Variants in PTPRN2 observed in about 807,000 individuals in gnomAD.
The protein encoded by PTPRN2 is receptor-type tyrosine-protein phosphatase N2.
PTPRN2 carries 74 observed loss-of-function variants against 118.8 expected under a neutral mutation model. The observed-to-expected ratio is 0.62, with a 90% CI of 0.52 to 0.76. The LOEUF (loss-of-function observed/expected upper bound fraction) is 0.76. PTPRN2 is among the 30% of genes least tolerant of loss of function. The probability of loss-of-function intolerance (pLI) is 0.00; values close to 1 mark genes in which losing one functional copy is unlikely to be tolerated. For synonymous variants in PTPRN2, 641 were observed against 608.0 expected (o/e 1.05, Z -0.80); for missense variants, 1,481 against 1,394.4 (o/e 1.06, Z -0.99).
chr7:157,576,631 G>A lies in PTPRN2; in HGVS notation c.2765C>T (p.Ser922Phe). ...GTCATACCTGCGGAAGTCCAGGAGG[G>A]ACCTTGAGGAGGAAGGGACTCCTCG... The part of the protein sequence containing the change: ...YDRGVPSSSR[S>F]LLDFRRKVNK... The change falls in exon 19 of 23, where the codon TCC becomes TTC. Residue 922 changes from serine (S) to phenylalanine (F), a missense_variant. Ser to Phe is a radical substitution (Grantham distance 155). Coordinates refer to ENST00000389418, the MANE Select transcript of PTPRN2 (RefSeq NM_002847.5). 1 of 1,612,350 alleles carries A rather than the reference G, an allele frequency of 6.2e-7. No homozygotes were observed. Among genetic ancestry groups the A allele is most frequent in the South Asian group, 1.1e-5 (1 of 90,614 alleles).
chr7:158,115,965 G>A (rs567445705), intron 9 of PTPRN2, among the ~76,000 whole-genome samples: 9 of 152,240 alleles, frequency 5.9e-5, no homozygotes, highest in Admixed American at 2.0e-4. Context: ...AGCCTGGTTC[G>A]CTCAGGTGAG....
At chr7:158,383,051 T>A (rs1051213329) in intron 2 of PTPRN2, among the ~76,000 whole-genome samples, 1 of 152,108 alleles carries the variant, frequency 6.6e-6, no homozygotes, top group Non-Finnish European at 1.5e-5. Context: ...GCACACTCCG[T>A]CAGTATCCCA....
At chr7:158,270,885 T>TTG in intron 3 of PTPRN2, among the ~76,000 whole-genome samples, 1 of 7,998 alleles carries the variant, frequency 1.3e-4, no homozygotes, top group African/African-American at 9.8e-4. Flanking sequence ...TCCACCTGGA[T>TTG]GACCCCCTCC....
intron 3 of PTPRN2, among the ~76,000 whole-genome samples, chr7:158,298,401 G>T (rs911968997): frequency 6.6e-6 from 1 of 152,202 alleles, no homozygotes; most frequent in African/African-American, 2.4e-5. Flanking sequence ...TTTCAGATAT[G>T]TTTGGATTTA....
intron 12 of PTPRN2, among the ~76,000 whole-genome samples, chr7:157,823,963 T>C (rs1005839207): frequency 6.6e-6 from 1 of 152,242 alleles, no homozygotes; most frequent in African/African-American, 2.4e-5. Context: ...ATTAGAAGTG[T>C]TTTTTCCTTT....
rs75493314 is a variant in PTPRN2, at chr7:158,118,894, G to A, written c.1557-7979C>T. ...ACTTTTCTATTTTTTGTAGAGATGG[G>A]GTTTTGCCATGTTGCCCAGGCTGGT... On this transcript the variant is annotated intron_variant, in intron 9 of 22. Transcript: ENST00000389418. Among the ~76,000 whole-genome samples the A allele has an allele frequency of 5.1e-3, 781 of 152,136 alleles. 26 individuals carry two copies. The East Asian group carries it at 0.1, about 19-fold the overall frequency.
At chr7:158,556,706 AGACGG>A (rs1275475830) in intron 1 of PTPRN2, among the ~76,000 whole-genome samples, 1 of 151,896 alleles carries the variant, frequency 6.6e-6, no homozygotes, top group African/African-American at 2.4e-5. Flanking sequence ...CGCGCAGGTC[AGACGG>A]CTCCCGGGCA....
At chr7:158,487,695 C>T (rs1821128999) in intron 2 of PTPRN2, among the ~76,000 whole-genome samples, 1 of 152,162 alleles carries the variant, frequency 6.6e-6, no homozygotes, top group Non-Finnish European at 1.5e-5. Flanking sequence ...CCCTGGGCTG[C>T]CGCACCCCTG....
chr7:157,842,745 C>T (rs1286940381), intron 12 of PTPRN2, among the ~76,000 whole-genome samples: 1 of 152,172 alleles, frequency 6.6e-6, no homozygotes, highest in Non-Finnish European at 1.5e-5. Context: ...GTCTCCGCCA[C>T]AGTGCACACC....
chr7:158,162,744 A>G (rs1822475255), intron 6 of PTPRN2, among the ~76,000 whole-genome samples: 1 of 152,132 alleles, frequency 6.6e-6, no homozygotes, highest in Non-Finnish European at 1.5e-5. Flanking sequence ...TGAATTATGA[A>G]TAAGTGAAGG....
chr7:158,379,928 C>T (rs1265141078), intron 2 of PTPRN2, among the ~76,000 whole-genome samples: 4 of 152,080 alleles, frequency 2.6e-5, no homozygotes, highest in Non-Finnish European at 5.9e-5. Flanking sequence ...TGACAGCAGG[C>T]AAAGAGAGCT....
intron 2 of PTPRN2, among the ~76,000 whole-genome samples, chr7:158,409,165 A>G (rs1248064757): frequency 6.6e-6 from 1 of 152,202 alleles, no homozygotes; most frequent in Non-Finnish European, 1.5e-5. Flanking sequence ...TGCAGACTGC[A>G]GTGCATCTAC....
intron 3 of PTPRN2, among the ~76,000 whole-genome samples, chr7:158,285,427 C>T (rs554865112): frequency 5.9e-5 from 9 of 152,296 alleles, no homozygotes; most frequent in South Asian, 2.1e-4. Context: ...GTGCCCACGC[C>T]GGCTTCAACT....
At chr7:157,734,563 C>T (rs1406671095) in intron 12 of PTPRN2, among the ~76,000 whole-genome samples, 1 of 152,170 alleles carries the variant, frequency 6.6e-6, no homozygotes, top group Non-Finnish European at 1.5e-5. Context: ...TCTTCCAGCC[C>T]CAGAGATGTA....
At chr7:157,586,267 A>G (rs1226968995) in intron 17 of PTPRN2, among the ~76,000 whole-genome samples, 3 of 152,180 alleles carry the variant, frequency 2.0e-5, no homozygotes, top group Non-Finnish European at 4.4e-5. Context: ...CCTTAAAATC[A>G]ACCCATCTGT....
chr7:158,310,866 GAGCCT>G (rs1407817378), intron 3 of PTPRN2, among the ~76,000 whole-genome samples: 8 of 63,616 alleles, frequency 1.3e-4, no homozygotes, highest in African/African-American at 3.5e-4. Context: ...GGCGAGCCCT[GAGCCT>G]GACAGAGCGC....
chr7:158,021,621 A>G (rs889197927), intron 11 of PTPRN2, among the ~76,000 whole-genome samples: 13 of 151,880 alleles, frequency 8.6e-5, no homozygotes, highest in Admixed American at 6.6e-4. Flanking sequence ...CCAGCCAAGG[A>G]TAGAGGCCTC....
At chr7:158,027,089 T>C (rs545790563) in intron 11 of PTPRN2, among the ~76,000 whole-genome samples, 5 of 152,282 alleles carry the variant, frequency 3.3e-5, no homozygotes, top group African/African-American at 4.8e-5. Context: ...TCCGGGGTCC[T>C]AGAACCAACA....
rs1803931288 is a variant in PTPRN2, at chr7:157,987,884, A to G, written c.1724-89147T>C. 1.3e-5 allele frequency among the ~76,000 whole-genome samples: 2 copies of G among 151,620 alleles called. No individual in the cohort carries two copies. The highest frequency in any genetic ancestry group is 2.9e-5 in the Non-Finnish European group (2 of 67,946). ...ATCACTGATGCCCCCAGCTCTCCCC[A>G]CACCTGCCATTCCCCACGTTAATGC... On this transcript the variant is annotated intron_variant, in intron 11 of 22. Transcript: ENST00000389418. The surrounding 1 kb of genome is among the most constrained non-coding windows in gnomAD (Gnocchi z 4.3).
Sources: gnomAD v4.1 joint callset for allele counts (sites outside exome capture counted in the v4.1 genomes callset) on GRCh38, gnomAD v4.1.1 for gene constraint, Gnocchi (gnomAD v3.1) non-coding constraint, MANE v1.5 for transcripts, NCBI Gene and HGNC (gene_info 2026-07-23, HGNC 2026-07-21) for gene names.